The following NEDD9 variants were observed in gnomAD, a reference collection of about 807,000 sequenced individuals.
NEDD9 encodes the protein enhancer of filamentation 1.
A neutral mutation model predicts 76.6 loss-of-function variants in NEDD9; 26 were observed. The observed-to-expected ratio is 0.34, with a 90% CI of 0.25 to 0.47. NEDD9 has a LOEUF of 0.47. Among genes scored for constraint, NEDD9 ranks in the 20% least tolerant of loss-of-function variants. The probability of loss-of-function intolerance (pLI) is 1.00; values close to 1 mark genes in which losing one functional copy is unlikely to be tolerated. For missense variants in NEDD9, 937 were observed against 1,058.5 expected, an observed-to-expected ratio of 0.89 and a Z score of 1.59; for synonymous variants, 392 against 414.2, an observed-to-expected ratio of 0.95 and a Z score of 0.65.
chr6:11,330,086 G>GT (rs1364778974), intron 2 of NEDD9, among the ~76,000 whole-genome samples: 1 of 152,166 alleles, frequency 6.6e-6, no homozygotes, highest in Non-Finnish European at 1.5e-5. Context: ...GAGGTAGTGA[G>GT]TTTTTTATTT....
chr6:11,189,833 T>G (rs1758084358), intron 5 of NEDD9, 131 bp downstream of exon 5: 19 of 1,190,048 alleles, frequency 1.6e-5, no homozygotes, highest in Non-Finnish European at 1.9e-5. Flanking sequence ...CCCTCCAATT[T>G]GTGAACCATG....
rs568777533 is a variant in NEDD9 at position 11,193,913 on chromosome 6, A to G, written c.460-221T>C. ...TTGCTCTTGCTCCCCAGGCTGGAGT[A>G]CAGTGGCACAATCTCAGCTTACAGC... On this transcript the variant is annotated intron_variant, in intron 2 of 6. Transcript: ENST00000379446. Among the ~76,000 whole-genome samples, 5 of 151,106 alleles carry G rather than the reference A, an allele frequency of 3.3e-5. No individual in the cohort carries two copies. The South Asian group carries it at 1.0e-3, about 32-fold the overall frequency.
intron 3 of NEDD9, among the ~76,000 whole-genome samples, chr6:11,293,240 T>A (rs997527170): frequency 6.6e-6 from 1 of 151,530 alleles, no homozygotes; most frequent in Admixed American, 6.6e-5. Context: ...ATAAGATGGG[T>A]ATTATTATAT....
intron 1 of NEDD9, among the ~76,000 whole-genome samples, chr6:11,358,246 CAAAAAAAAAAAA>C (rs35011508): frequency 1.6e-5 from 1 of 61,262 alleles, no homozygotes; most frequent in Non-Finnish European, 2.8e-5. Flanking sequence ...AAGACTCCGT[CAAAAAAAAAAAA>C]AAAAAAAAAA....
intron 2 of NEDD9, among the ~76,000 whole-genome samples, chr6:11,207,706 C>T (rs1406146542): frequency 6.6e-6 from 1 of 152,100 alleles, no homozygotes; most frequent in Admixed American, 6.5e-5. Flanking sequence ...ATGGAATATA[C>T]AACACATTCT....
chr6:11,226,756 A>G lies in NEDD9; in HGVS notation c.12+5748T>C, dbSNP rs1208199945. ...AAAAATTCCATATCTATATATCTGTATATCTTTGTGGGTATGTGTATATAA... is the reference window on the plus strand; with the variant it reads ...AAAAATTCCATATCTATATATCTGTGTATCTTTGTGGGTATGTGTATATAA... On this transcript the variant is annotated intron_variant, in intron 1 of 6. Coordinates refer to ENST00000379446, the MANE Select transcript of NEDD9 (RefSeq NM_006403.4). Among the ~76,000 whole-genome samples, 4 of 152,340 alleles carry G rather than the reference A, an allele frequency of 2.6e-5. No individual in the cohort carries two copies. In the East Asian group the frequency reaches 7.7e-4, roughly 29 times the overall value.
intron 2 of NEDD9, among the ~76,000 whole-genome samples, chr6:11,322,929 C>T (rs1761842128): frequency 6.6e-6 from 1 of 152,206 alleles, no homozygotes; most frequent in African/African-American, 2.4e-5. Context: ...CATTTACTAC[C>T]TGGGTGGTCT....
chr6:11,214,314 G>A (rs1015243462), intron 1 of NEDD9: 14 of 444,100 alleles, frequency 3.2e-5, no homozygotes, highest in African/African-American at 2.2e-4. Flanking sequence ...CACAAGCAAG[G>A]CATGTAGACA....
At chr6:11,200,644 A>G in intron 2 of NEDD9, 1 of 1,146,578 alleles carries the variant, frequency 8.7e-7, no homozygotes, top group Non-Finnish European at 1.1e-6. Context: ...TAAGTCAGAT[A>G]GAAAGAAATC....
rs752612102 is a variant in NEDD9, at chr6:11,209,970, C to CT, written c.459+3310dup. On this transcript the variant is annotated intron_variant, in intron 2 of 6. Transcript: ENST00000379446. ...AGTGATAGAAGGCAGAATTCACTGT[C>CT]TTTTTTTTTTCCTTAAGTGATTCAT... Among the ~76,000 whole-genome samples the CT allele has an allele frequency of 5.9e-4, 78 of 131,118 alleles. 1 individual carries two copies. In the East Asian group the frequency reaches 0.014, roughly 23 times the overall value. 86.0% of individuals were successfully genotyped at this position (131,118 alleles called of 152,430 possible).
At chr6:11,228,117 G>A (rs1206956610) in intron 1 of NEDD9, among the ~76,000 whole-genome samples, 1 of 151,918 alleles carries the variant, frequency 6.6e-6, no homozygotes, top group Non-Finnish European at 1.5e-5. Context: ...CTGGGGAGTA[G>A]GGGGTTGGAA....
chr6:11,285,226 C>A (rs1760623463), intron 3 of NEDD9, among the ~76,000 whole-genome samples: 1 of 152,136 alleles, frequency 6.6e-6, no homozygotes, highest in African/African-American at 2.4e-5. Flanking sequence ...ATTTTCCTGA[C>A]AGTCTGATAC....
chr6:11,281,785 G>A (rs952909615), intron 3 of NEDD9, among the ~76,000 whole-genome samples: 1 of 151,900 alleles, frequency 6.6e-6, no homozygotes, highest in Non-Finnish European at 1.5e-5. Flanking sequence ...ACAGACTCTC[G>A]CTCTGTCACC....
intron 1 of NEDD9, among the ~76,000 whole-genome samples, chr6:11,225,658 T>C (rs1759287564): frequency 6.6e-6 from 1 of 152,070 alleles, no homozygotes; most frequent in Admixed American, 6.5e-5. Context: ...ACCACCACCA[T>C]GCCCAGCTAA....
chr6:11,381,868 A>C (rs1264497393), intron 1 of NEDD9, among the ~76,000 whole-genome samples: 1 of 152,206 alleles, frequency 6.6e-6, no homozygotes, highest in Admixed American at 6.5e-5. Flanking sequence ...GGGGCCATGT[A>C]CTTACACACC....
At position 11,185,515 on chromosome 6, in the gene NEDD9, G is replaced by C; in HGVS notation, c.2152C>G (p.His718Asp). The C allele has an allele frequency of 6.2e-7, 1 of 1,614,194 alleles. No individual in the cohort carries two copies. The highest frequency in any genetic ancestry group is 8.5e-7 in the Non-Finnish European group (1 of 1,180,036). ...ATGGCGTTGAGAAGGGAAATGAAAT[G>C]GGTCTCACATTGGTCATAGTAGAAG... The part of the protein sequence containing the change: ...LCFYYDQCET[H>D]FISLLNAIDA... Residue 718 changes from histidine (H) to aspartate (D), a missense_variant, in exon 7 of 7, where the codon CAT becomes GAT. Coordinates refer to ENST00000379446, the MANE Select transcript of NEDD9 (RefSeq NM_006403.4).
upstream of NEDD9, among the ~76,000 whole-genome samples, chr6:11,236,169 T>A (rs1326433354): frequency 6.6e-6 from 1 of 152,164 alleles, no homozygotes; most frequent in East Asian, 1.9e-4. The surrounding 1 kb of genome is among the most constrained non-coding windows in gnomAD (Gnocchi z 5.5). Flanking sequence ...GCTATGTAAT[T>A]GATTTATGCA....
intron 1 of NEDD9, among the ~76,000 whole-genome samples, chr6:11,360,655 T>C (rs1450179041): frequency 6.6e-6 from 1 of 152,188 alleles, no homozygotes; most frequent in African/African-American, 2.4e-5. Context: ...TCTGCTATGA[T>C]TGAAAGTTTC....
At chr6:11,251,407 A>C (rs1376573224) in intron 3 of NEDD9, 1 of 152,344 alleles carries the variant, frequency 6.6e-6, no homozygotes, top group Non-Finnish European at 1.5e-5. Flanking sequence ...ATAAATCCAT[A>C]CTGCAGAGGA....
Sources: gnomAD v4.1 joint callset for allele counts (sites outside exome capture counted in the v4.1 genomes callset) on GRCh38, gnomAD v4.1.1 for gene constraint, Gnocchi (gnomAD v3.1) non-coding constraint, MANE v1.5 for transcripts, NCBI Gene and HGNC (gene_info 2026-07-23, HGNC 2026-07-21) for gene names.